Variants in HTR3B observed in about 807,000 individuals in gnomAD.
HTR3B encodes the protein 5-hydroxytryptamine (serotonin) receptor 3B, ionotropic.
Under a neutral mutation model 42.8 loss-of-function variants are expected in HTR3B, and 44 were observed. The ratio of observed to expected loss-of-function variants is 1.03; its 90% CI spans 0.81 to 1.32. The LOEUF is 1.32. HTR3B is among the 40% of genes most tolerant of loss of function. The probability of loss-of-function intolerance (pLI) is 0.00; values close to 1 mark genes in which losing one functional copy is unlikely to be tolerated. For missense variants in HTR3B, 527 were observed against 536.5 expected, an observed-to-expected ratio of 0.98 and a Z score of 0.17; for synonymous variants, 203 against 209.0, an observed-to-expected ratio of 0.97 and a Z score of 0.25.
intron 6 of HTR3B, among the ~76,000 whole-genome samples, chr11:113,937,749 G>C (rs1950102372): frequency 6.6e-6 from 1 of 152,252 alleles, no homozygotes; most frequent in African/African-American, 2.4e-5. Flanking sequence ...AGGCAGTGCA[G>C]TATATTCTGG....
chr11:113,904,848 T>G lies in HTR3B; in HGVS notation c.-86T>G, dbSNP rs1334855168. On this transcript the variant is annotated 5_prime_UTR_variant, in exon 1 of 9. Coordinates refer to ENST00000260191, the MANE Select transcript of HTR3B (RefSeq NM_006028.5). ...CAAACGGAGAAGGAGGAGAACAGAG[T>G]GGAGAGGAACCCTGTTAGGAGAAAT... is the stretch of plus-strand genomic sequence containing the variant. 7.7e-6 allele frequency: 8 copies of G among 1,039,940 alleles called. No individual in the cohort carries two copies. In the East Asian group the frequency reaches 1.7e-4, roughly 22 times the overall value. The allele number at this position is 1,039,940 out of a possible 1,614,324, so 64.4% of individuals were successfully genotyped here.
intron 2 of HTR3B, among the ~76,000 whole-genome samples, chr11:113,921,390 C>T (rs1048204682): frequency 3.9e-5 from 6 of 152,014 alleles, no homozygotes; most frequent in Non-Finnish European, 7.4e-5. Flanking sequence ...GTGATCTGCC[C>T]GCCTCAGCCT....
rs533197673 is a variant in HTR3B at position 113,916,471 on chromosome 11, T to TA, written c.213+7018dup. Among the ~76,000 whole-genome samples, 216 of 152,368 alleles carry TA rather than the reference T, an allele frequency of 1.4e-3. 1 individual carries two copies. The highest frequency in any genetic ancestry group is 2.7e-3 in the Admixed American group (41 of 15,308). On this transcript the variant is annotated intron_variant, in intron 2 of 8. Coordinates refer to ENST00000260191, the MANE Select transcript of HTR3B (RefSeq NM_006028.5). ...CTGTAGCATTATGGAAGTCTTGAAA[T>TA]AAGATAATGTGAATCTTCTAATCTC... is the stretch of plus-strand genomic sequence containing the variant.
intron 1 of HTR3B, among the ~76,000 whole-genome samples, chr11:113,907,196 G>A (rs138702394): frequency 1.3e-5 from 2 of 152,312 alleles, no homozygotes; most frequent in Non-Finnish European, 2.9e-5. Flanking sequence ...AATCTTACAA[G>A]TGAATCATTT....
chr11:113,904,758 C>T (rs1233865355), upstream of HTR3B: 1 of 587,302 alleles, frequency 1.7e-6, no homozygotes, highest in African/African-American at 1.9e-5. Context: ...TTGCATGGTG[C>T]TGGTATTGCC....
chr11:113,909,534 G>A (rs948458199), intron 2 of HTR3B, 79 bp downstream of exon 2: 29 of 1,180,958 alleles, frequency 2.5e-5, no homozygotes, highest in Non-Finnish European at 3.1e-5. Context: ...GCCTATGAGA[G>A]GTTATATTCT....
At chr11:113,922,021 G>A (rs554632672) in intron 2 of HTR3B, among the ~76,000 whole-genome samples, 1 of 152,142 alleles carries the variant, frequency 6.6e-6, no homozygotes, top group African/African-American at 2.4e-5. Flanking sequence ...AATGAGCCTG[G>A]ACCCATGGTT....
intron 6 of HTR3B, among the ~76,000 whole-genome samples, chr11:113,939,545 G>A (rs977389747): frequency 6.6e-6 from 1 of 152,026 alleles, no homozygotes; most frequent in African/African-American, 2.4e-5. Flanking sequence ...GATTTCTCGG[G>A]GAACACGTGG....
chr11:113,931,702 A>C (rs1950035960), intron 3 of HTR3B, 56 bp from the exon 4 acceptor site: 1 of 997,562 alleles, frequency 1.0e-6, no homozygotes. Context: ...TTAGTTCTTT[A>C]GCGAAGTAGA....
chr11:113,904,711 G>C, upstream of HTR3B: 1 of 504,740 alleles, frequency 2.0e-6, no homozygotes, highest in Non-Finnish European at 3.6e-6. Flanking sequence ...AAAGGGAGAA[G>C]TTAAGGGATT....
At chr11:113,905,894 A>G (rs1157630352) in intron 1 of HTR3B, among the ~76,000 whole-genome samples, 3 of 152,224 alleles carry the variant, frequency 2.0e-5, no homozygotes, top group Non-Finnish European at 4.4e-5. Context: ...ACTTATCATT[A>G]AAGTATAAAA....
chr11:113,903,023 C>A (rs945183089), upstream of HTR3B, among the ~76,000 whole-genome samples: 1 of 152,196 alleles, frequency 6.6e-6, no homozygotes, highest in Non-Finnish European at 1.5e-5. Context: ...AGTGCACCAC[C>A]ACATTAAACT....
At chr11:113,923,790 G>A (rs1949939563) in intron 2 of HTR3B, among the ~76,000 whole-genome samples, 1 of 152,200 alleles carries the variant, frequency 6.6e-6, no homozygotes, top group Admixed American at 6.5e-5. Flanking sequence ...AGCTGGCATT[G>A]AGAAACTTGT....
chr11:113,901,446 G>T (rs78297949), upstream of HTR3B, among the ~76,000 whole-genome samples: 17,923 of 135,358 alleles, frequency 0.13, 1,099 homozygotes, highest in Middle Eastern at 0.21. Flanking sequence ...GCCTCTTAGG[G>T]AAAAAAAAAA....
At chr11:113,922,344 C>T (rs555248714) in intron 2 of HTR3B, among the ~76,000 whole-genome samples, 1 of 151,910 alleles carries the variant, frequency 6.6e-6, no homozygotes, top group African/African-American at 2.4e-5. Flanking sequence ...GGTGATCCTC[C>T]CACCTCAGCC....
At chr11:113,912,211 G>A (rs1005648420) in intron 2 of HTR3B, among the ~76,000 whole-genome samples, 8 of 152,012 alleles carry the variant, frequency 5.3e-5, no homozygotes, top group Non-Finnish European at 8.8e-5. Flanking sequence ...TTTCCTGTAC[G>A]AGTCTTTTTG....
intron 2 of HTR3B, among the ~76,000 whole-genome samples, chr11:113,914,271 C>A (rs1042855476): frequency 1.3e-5 from 2 of 151,594 alleles, no homozygotes; most frequent in Non-Finnish European, 2.9e-5. Flanking sequence ...AGTTTGAGAC[C>A]AGCCTCAACG....
At chr11:113,934,646 T>C (rs998949360) in intron 6 of HTR3B, among the ~76,000 whole-genome samples, 13 of 152,072 alleles carry the variant, frequency 8.5e-5, no homozygotes, top group African/African-American at 3.1e-4. Flanking sequence ...CATACCCTCC[T>C]GATGGTGGGC....
intron 1 of HTR3B, among the ~76,000 whole-genome samples, chr11:113,907,843 G>A (rs1041725150): frequency 6.6e-6 from 1 of 152,170 alleles, no homozygotes; most frequent in Non-Finnish European, 1.5e-5. Flanking sequence ...TAAACGTGAA[G>A]CTGCCCACAG....
Sources: gnomAD v4.1 joint callset for allele counts (sites outside exome capture counted in the v4.1 genomes callset) on GRCh38, gnomAD v4.1.1 for gene constraint, MANE v1.5 for transcripts, NCBI Gene and HGNC (gene_info 2026-07-23, HGNC 2026-07-21) for gene names.